CFAP96: variants seen among roughly 807,000 people sequenced by gnomAD.
CFAP96 encodes cilia-and flagella-associated protein 96.
At chr4:185,447,701 A>C in the CFAP96 span, among the ~76,000 whole-genome samples, 4 of 152,186 alleles carry the variant, frequency 2.6e-5, no homozygotes, top group African/African-American at 9.6e-5. Context: ...CTATGAATTC[A>C]ATTTCAGTAA....
At chr4:185,437,779 G>T in the CFAP96 span, among the ~76,000 whole-genome samples, 1 of 152,054 alleles carries the variant, frequency 6.6e-6, no homozygotes, top group African/African-American at 2.4e-5. Context: ...AACAGAAAAA[G>T]CTCTTTTATC....
At chr4:185,436,386 A>G in the CFAP96 span, 1 of 1,462,064 alleles carries the variant, frequency 6.8e-7, no homozygotes, top group Non-Finnish European at 9.4e-7. Context: ...GAATGTTTCA[A>G]CCTTTCTTTT....
chr4:185,439,221 G>T, the CFAP96 span, among the ~76,000 whole-genome samples: 4,481 of 152,220 alleles, frequency 0.029, 126 homozygotes, highest in East Asian at 0.11. Context: ...ATTATCAAGT[G>T]ATTCCCATGA....
the CFAP96 span, chr4:185,413,897 A>G: frequency 2.6e-6 from 4 of 1,564,388 alleles, no homozygotes; most frequent in Non-Finnish European, 3.4e-6. Context: ...AATCAACAGA[A>G]AAAGAAAAAA....
the CFAP96 span, among the ~76,000 whole-genome samples, chr4:185,414,364 A>G: frequency 6.6e-6 from 1 of 152,364 alleles, no homozygotes; most frequent in South Asian, 2.1e-4. Context: ...TGGCAGGAAA[A>G]CAAATACACA....
chr4:185,418,576 A>G, the CFAP96 span: 1 of 1,612,364 alleles, frequency 6.2e-7, no homozygotes, highest in Non-Finnish European at 8.5e-7. Flanking sequence ...GAAATCTTCA[A>G]ACATACTCAC....
chr4:185,423,604 T>C, the CFAP96 span, among the ~76,000 whole-genome samples: 2 of 152,120 alleles, frequency 1.3e-5, no homozygotes, highest in Non-Finnish European at 2.9e-5. Flanking sequence ...AAAAATCATG[T>C]TTTTGCTGAA....
the CFAP96 span, among the ~76,000 whole-genome samples, chr4:185,439,771 ATC>A: frequency 1.7e-4 from 24 of 144,324 alleles, no homozygotes; most frequent in African/African-American, 6.1e-4. Flanking sequence ...ACATATATGT[ATC>A]TATATCTCAT....
chr4:185,441,900 G>A, the CFAP96 span, among the ~76,000 whole-genome samples: 1 of 151,552 alleles, frequency 6.6e-6, no homozygotes, highest in Non-Finnish European at 1.5e-5. Flanking sequence ...ACTTTAAATG[G>A]GTATAGTTTA....
the CFAP96 span, chr4:185,440,693 T>G: frequency 1.4e-6 from 2 of 1,479,046 alleles, no homozygotes; most frequent in South Asian, 2.5e-5. Context: ...TTCAAATACT[T>G]TTAAACCGTC....
At chr4:185,438,115 G>A in the CFAP96 span, among the ~76,000 whole-genome samples, 2 of 151,644 alleles carry the variant, frequency 1.3e-5, no homozygotes, top group African/African-American at 4.8e-5. Context: ...GGATCTATGG[G>A]TTTATAGTTT....
the CFAP96 span, chr4:185,445,199 A>G: frequency 1.1e-4 from 144 of 1,290,780 alleles, no homozygotes; most frequent in Admixed American, 7.1e-4. Context: ...CTTCTTCAAA[A>G]TAGTATCTTT....
chr4:185,428,174 T>C, the CFAP96 span, among the ~76,000 whole-genome samples: 3 of 152,160 alleles, frequency 2.0e-5, no homozygotes, highest in African/African-American at 7.2e-5. Context: ...GTATGCCCAG[T>C]GCTTAGCTCA....
the CFAP96 span, chr4:185,425,962 G>C: frequency 1.4e-6 from 2 of 1,462,956 alleles, no homozygotes; most frequent in South Asian, 1.2e-5. Flanking sequence ...CCAGGGGCGG[G>C]GCCCGGGCGG....
At chr4:185,441,886 G>C in the CFAP96 span, among the ~76,000 whole-genome samples, 3 of 151,862 alleles carry the variant, frequency 2.0e-5, no homozygotes, top group Non-Finnish European at 4.4e-5. Context: ...TCATAGCATT[G>C]TACACTTTAA....
the CFAP96 span, chr4:185,416,068 C>G: frequency 1.7e-5 from 7 of 414,404 alleles, no homozygotes; most frequent in Admixed American, 2.9e-4. Flanking sequence ...TGAGATAACT[C>G]ACTACCCTCA....
the CFAP96 span, among the ~76,000 whole-genome samples, chr4:185,434,832 A>G: frequency 6.6e-6 from 1 of 152,104 alleles, no homozygotes; most frequent in Admixed American, 6.5e-5. Flanking sequence ...TCCGCCTCCC[A>G]GGTTCAAGCG....
At chr4:185,423,932 G>T in the CFAP96 span, among the ~76,000 whole-genome samples, 1 of 152,146 alleles carries the variant, frequency 6.6e-6, no homozygotes, top group East Asian at 1.9e-4. Flanking sequence ...CAAACAGGCT[G>T]AAGAACCATA....
the CFAP96 span, among the ~76,000 whole-genome samples, chr4:185,409,879 A>G: frequency 1.3e-5 from 2 of 152,138 alleles, no homozygotes; most frequent in Non-Finnish European, 2.9e-5. Flanking sequence ...TGGGGCCACA[A>G]ACCAAAGGAT....
Sources: gnomAD v4.1 joint callset for allele counts (sites outside exome capture counted in the v4.1 genomes callset) on GRCh38, gnomAD v4.1.1 for gene constraint, MANE v1.5 for transcripts, NCBI Gene and HGNC (gene_info 2026-07-23, HGNC 2026-07-21) for gene names.